SYPL2: variants seen among roughly 807,000 people sequenced by gnomAD.
The protein encoded by SYPL2 is synaptophysin like 2.
SYPL2 carries 24 observed loss-of-function variants against 31.3 expected under a neutral mutation model. The ratio of observed to expected loss-of-function variants is 0.77; its 90% CI spans 0.56 to 1.08. SYPL2 has a LOEUF of 1.08. Among genes scored for constraint, SYPL2 ranks in the 50% least tolerant of loss-of-function variants. The probability of loss-of-function intolerance (pLI) is 0.00; values close to 1 mark genes in which losing one functional copy is unlikely to be tolerated. For synonymous variants in SYPL2, 144 were observed against 143.1 expected (o/e 1.01, Z -0.05); for missense variants, 342 against 360.1 (o/e 0.95, Z 0.41).
rs1656070313 is a variant in SYPL2 at position 109,478,651 on chromosome 1, CACGTCTGGA to C, written c.648+645_648+653del. ...TTTAATGGCTGGCACACCAGGAACACACGTCTGGAACTTGCTGGAACCCTGCTTATGGTT... is the reference window on the plus strand; with the variant it reads ...TTTAATGGCTGGCACACCAGGAACACACTTGCTGGAACCCTGCTTATGGTT... On this transcript the variant is annotated intron_variant, in intron 5 of 5. Transcript: ENST00000369872. This position sits in a 1 kb window ranked among gnomAD's most constrained non-coding sequence, Gnocchi z 4.0. 6.6e-6 allele frequency among the ~76,000 whole-genome samples: 1 copy of C among 152,182 alleles called. No individual in the cohort carries two copies.
intron 2 of SYPL2, among the ~76,000 whole-genome samples, chr1:109,474,323 C>CTTTTTTTTTT (rs67683974): frequency 2.0e-4 from 15 of 75,422 alleles, no homozygotes; most frequent in Non-Finnish European, 3.6e-4. Context: ...CTTTTCTTTT[C>CTTTTTTTTTT]TTTTTTTTTT....
At chr1:109,473,345 C>T (rs1655890186) in intron 2 of SYPL2, among the ~76,000 whole-genome samples, 1 of 152,156 alleles carries the variant, frequency 6.6e-6, no homozygotes, top group Non-Finnish European at 1.5e-5. Context: ...AACATGGAGA[C>T]AATTCTCATT....
intron 2 of SYPL2, 126 bp downstream of exon 2, chr1:109,467,259 G>C (rs918362975): frequency 1.6e-6 from 1 of 643,280 alleles, no homozygotes; most frequent in African/African-American, 1.9e-5. Flanking sequence ...GGTGGGGGGC[G>C]GCGACAGGTG....
At chr1:109,473,778 C>T (rs1157721185) in intron 2 of SYPL2, among the ~76,000 whole-genome samples, 1 of 151,806 alleles carries the variant, frequency 6.6e-6, no homozygotes, top group Non-Finnish European at 1.5e-5. Context: ...GCCTATAGTC[C>T]CAGCTACTCA....
In SYPL2 at chr1:109,478,090, G is replaced by C. The variant is rs778812536; in HGVS notation, c.648+81G>C. 196 of 1,550,026 alleles carry C rather than the reference G, an allele frequency of 1.3e-4. No homozygotes were observed. The highest frequency in any genetic ancestry group is 1.6e-4 in the Non-Finnish European group (180 of 1,149,314). On this transcript the variant is annotated intron_variant, in intron 5 of 5. Transcript: ENST00000369872. The surrounding 1 kb of genome is among the most constrained non-coding windows in gnomAD (Gnocchi z 4.0). Reference sequence around the variant, plus strand: ...CCAGCTAGCAGGTCCTGAAAGGAAAGAGAGGGTGTCCCAGAGCTGGTGTCC... The same window carrying C: ...CCAGCTAGCAGGTCCTGAAAGGAAACAGAGGGTGTCCCAGAGCTGGTGTCC...
intron 2 of SYPL2, among the ~76,000 whole-genome samples, chr1:109,468,917 G>T: frequency 1.2e-5 from 1 of 80,064 alleles, no homozygotes; most frequent in African/African-American, 3.5e-5. Context: ...TGATCTTCAA[G>T]TACTTAGAAA....
rs1656166651 is a variant in SYPL2 at position 109,481,748 on chromosome 1, A to T, written c.*2200A>T. 1 of 152,162 alleles carries T rather than the reference A, an allele frequency of 6.6e-6. No homozygotes were observed. The highest frequency in any genetic ancestry group is 1.5e-5 in the Non-Finnish European group (1 of 68,030). The allele number at this position is 152,162 out of a possible 1,614,324, so 9.4% of individuals were successfully genotyped here. On this transcript the variant is annotated 3_prime_UTR_variant, in exon 6 of 6. Coordinates refer to ENST00000369872, the MANE Select transcript of SYPL2 (RefSeq NM_001040709.2). Reference sequence around the variant, plus strand: ...GGCTACGGCCTCACTCTCTATGGCCACCCTAAGAGGAAAGGCTACTTCACC... The same window carrying T: ...GGCTACGGCCTCACTCTCTATGGCCTCCCTAAGAGGAAAGGCTACTTCACC...
intron 4 of SYPL2, 56 bp downstream of exon 4, chr1:109,477,033 G>C: frequency 6.2e-7 from 1 of 1,601,940 alleles, no homozygotes; most frequent in Non-Finnish European, 8.5e-7. Flanking sequence ...TTGTGAGGGG[G>C]TTGAGGTCAG....
At chr1:109,471,063 A>G (rs1418518619) in intron 2 of SYPL2, among the ~76,000 whole-genome samples, 4 of 152,220 alleles carry the variant, frequency 2.6e-5, no homozygotes, top group Non-Finnish European at 5.9e-5. Flanking sequence ...TGAAATGGAA[A>G]GAGCACTGGA....
At chr1:109,475,418 A>G (rs925130268) in intron 2 of SYPL2, 163 bp from the exon 3 acceptor site, 28 of 956,912 alleles carry the variant, frequency 2.9e-5, no homozygotes, top group Non-Finnish European at 4.0e-5. Context: ...TGGAAGATAA[A>G]TGGAAGCCAT....
rs1220467230 is a variant in SYPL2 at position 109,480,492 on chromosome 1, C to G, written c.*944C>G. 6.6e-6 allele frequency: 1 copy of G among 152,260 alleles called. No homozygotes were observed. The highest frequency in any genetic ancestry group is 1.5e-5 in the Non-Finnish European group (1 of 68,116). 9.4% of individuals were successfully genotyped at this position (152,260 alleles called of 1,614,324 possible). A position where few individuals can be genotyped will look rare whatever the true frequency, so the allele number is the denominator to read the frequency against. On this transcript the variant is annotated 3_prime_UTR_variant, in exon 6 of 6. Coordinates refer to ENST00000369872, the MANE Select transcript of SYPL2 (RefSeq NM_001040709.2). Reference sequence around the variant, plus strand: ...ATCGTGCATCTGAGGCATTTGAGATCCTTTTTGAAGTCTGTCCAGGCCTTC... The same window carrying G: ...ATCGTGCATCTGAGGCATTTGAGATGCTTTTTGAAGTCTGTCCAGGCCTTC...
rs1278395981 is a variant in SYPL2 at position 109,478,474 on chromosome 1, G to A, written c.648+465G>A. The stretch of plus-strand genomic sequence containing the variant: ...TGGAGCAGTAGTGGGTCTGCTGGAT[G>A]CATATGGATTTGGCCATCCCAGTTG... On this transcript the variant is annotated intron_variant, in intron 5 of 5. Transcript: ENST00000369872. The surrounding 1 kb of genome is among the most constrained non-coding windows in gnomAD (Gnocchi z 4.0). Among the ~76,000 whole-genome samples, 2 of 152,210 alleles carry A rather than the reference G, an allele frequency of 1.3e-5. No homozygotes were observed. The highest frequency in any genetic ancestry group is 2.9e-5 in the Non-Finnish European group (2 of 68,028).
chr1:109,477,191 T>C lies in SYPL2; in HGVS notation c.456+214T>C, dbSNP rs147225048. Among the ~76,000 whole-genome samples the C allele has an allele frequency of 9.2e-5, 14 of 152,256 alleles. No individual in the cohort carries two copies. The East Asian group carries it at 2.7e-3, about 29-fold the overall frequency. ...TGGAGTTAGACTGCCTGGGTTCAGA[T>C]CCCAGCATGGCCCCTTACTTGCTGT... On this transcript the variant is annotated intron_variant, in intron 4 of 5. Transcript: ENST00000369872.
chr1:109,476,877 T>C lies in SYPL2; in HGVS notation c.356T>C (p.Val119Ala). The C allele has an allele frequency of 6.2e-7, 1 of 1,614,264 alleles. No individual in the cohort carries two copies. Among genetic ancestry groups the C allele is most frequent in the African/African-American group, 1.3e-5 (1 of 75,070 alleles). The change falls in exon 4 of 6, where the codon GTG (valine) becomes GCG (alanine). Residue 119 changes from valine to alanine, a missense_variant. By Grantham distance (64) the Val-to-Ala change is moderately conservative. Transcript: ENST00000369872. ...GDFSAPAEFF[V>A]TLGIFSFFYT... Reference sequence around the variant, plus strand: ...TTCTCTGCACCCGCCGAGTTCTTCGTGACCCTTGGCATCTTTTCCTTCTTC... The same window carrying C: ...TTCTCTGCACCCGCCGAGTTCTTCGCGACCCTTGGCATCTTTTCCTTCTTC...
intron 2 of SYPL2, among the ~76,000 whole-genome samples, chr1:109,471,806 C>T (rs1297776990): frequency 1.3e-5 from 2 of 151,978 alleles, no homozygotes; most frequent in Non-Finnish European, 2.9e-5. Flanking sequence ...GCCTTGAACC[C>T]CTGGGCTCAA....
At chr1:109,470,172 TA>T (rs1473739476) in intron 2 of SYPL2, among the ~76,000 whole-genome samples, 1 of 152,092 alleles carries the variant, frequency 6.6e-6, no homozygotes, top group Non-Finnish European at 1.5e-5. Flanking sequence ...AAAATTTTTG[TA>T]AAAATCGGGT....
chr1:109,466,679 G>A lies in SYPL2; in HGVS notation c.-165G>A. 1 of 642,394 alleles carries A rather than the reference G, an allele frequency of 1.6e-6. No homozygotes were observed. Among genetic ancestry groups the A allele is most frequent in the South Asian group, 4.1e-5 (1 of 24,118 alleles). 39.8% of individuals were successfully genotyped at this position (642,394 alleles called of 1,614,324 possible). ...CAGCAGCGCCCCCGCGTCCCAGCCA[G>A]CCAGCCAGCCAGACTGGACTCCGGC... On this transcript the variant is annotated 5_prime_UTR_variant, in exon 1 of 6. Coordinates refer to ENST00000369872, the MANE Select transcript of SYPL2 (RefSeq NM_001040709.2).
At position 109,466,794 on chromosome 1, in the gene SYPL2, C is replaced by G. The variant is rs1254823836; in HGVS notation, c.-50C>G. On this transcript the variant is annotated 5_prime_UTR_variant, in exon 1 of 6. Coordinates refer to ENST00000369872, the MANE Select transcript of SYPL2 (RefSeq NM_001040709.2). ...CTCCCCCGCCGTGTCCGCCGCCTCC[C>G]GGCCAGAGAGCCAAGCCACCACGCC... The G allele has an allele frequency of 1.7e-5, 26 of 1,487,102 alleles. No homozygotes were observed. The highest frequency in any genetic ancestry group is 1.5e-5 in the African/African-American group (1 of 68,224). 92.1% of individuals were successfully genotyped at this position (1,487,102 alleles called of 1,614,324 possible).
Position 109,466,673 on chromosome 1 carries a change from C to A in SYPL2, c.-171C>A. 1 of 553,498 alleles carries A rather than the reference C, an allele frequency of 1.8e-6. No individual in the cohort carries two copies. The highest frequency in any genetic ancestry group is 2.7e-6 in the Non-Finnish European group (1 of 363,668). The allele number at this position is 553,498 out of a possible 1,614,324, so 34.3% of individuals were successfully genotyped here. A position where few individuals can be genotyped will look rare whatever the true frequency, so the allele number is the denominator to read the frequency against. On this transcript the variant is annotated 5_prime_UTR_variant, in exon 1 of 6. Transcript: ENST00000369872. ...CACGAACAGCAGCGCCCCCGCGTCC[C>A]AGCCAGCCAGCCAGCCAGACTGGAC...
Sources: allele counts gnomAD v4.1 joint callset (sites outside exome capture counted in the v4.1 genomes callset), GRCh38; gene constraint gnomAD v4.1.1; non-coding constraint Gnocchi (gnomAD v3.1); transcripts MANE v1.5; gene names NCBI Gene and HGNC (gene_info 2026-07-23, HGNC 2026-07-21).